CLHC1: variants seen among roughly 807,000 people sequenced by gnomAD.
The protein encoded by CLHC1 is clathrin heavy chain linker domain-containing protein 1.
A neutral mutation model predicts 69.5 loss-of-function variants in CLHC1; 72 were observed. The ratio of observed to expected loss-of-function variants is 1.04; its 90% CI spans 0.86 to 1.26. CLHC1 has a LOEUF of 1.26. Ranked by LOEUF, CLHC1 falls within the 50% of genes most tolerant of loss-of-function variation. CLHC1 has a pLI of 0.00. For missense variants in CLHC1, 790 were observed against 679.3 expected (o/e 1.16, Z -1.81); for synonymous variants, 223 against 224.3 (o/e 0.99, Z 0.05).
chr2:55,217,903 A>G lies in CLHC1; in HGVS notation c.273T>C (p.Thr91=). The G allele has an allele frequency of 6.2e-7, 1 of 1,603,968 alleles. No individual in the cohort carries two copies. The highest frequency in any genetic ancestry group is 8.5e-7 in the Non-Finnish European group (1 of 1,175,064). Reference sequence around the variant, plus strand: ...TAAGTTTTCCATGAAGACAAAATGTAGTTCTTCGGTCTTTCTTTATTGTCT... The same window carrying G: ...TAAGTTTTCCATGAAGACAAAATGTGGTTCTTCGGTCTTTCTTTATTGTCT... ...FIETIKKDRR[T]TFCLHGKLKG... is the part of the protein sequence containing the mutation. Residue 91 remains threonine, a synonymous_variant, in exon 4 of 13, where the codon ACT becomes ACC. Transcript: ENST00000401408.
intron 2 of CLHC1, among the ~76,000 whole-genome samples, chr2:55,226,108 C>A (rs548476843): frequency 1.3e-5 from 2 of 151,120 alleles, no homozygotes; most frequent in East Asian, 3.9e-4. Flanking sequence ...AGGAGAGTGG[C>A]GTGAACCCGG....
intron 12 of CLHC1, 35 bp downstream of exon 12, chr2:55,177,567 C>T (rs752103802): frequency 2.0e-6 from 3 of 1,488,130 alleles, no homozygotes; most frequent in Admixed American, 3.8e-5. Context: ...AGATAACCCA[C>T]TACTATTTCT....
rs1398623262 is a variant in CLHC1 at position 55,186,033 on chromosome 2, T to C, written c.1007-4289A>G. 4.6e-5 allele frequency among the ~76,000 whole-genome samples: 7 copies of C among 152,190 alleles called. No individual in the cohort carries two copies. The East Asian group carries it at 1.2e-3, about 25-fold the overall frequency. ...CAAACTTGAGATGGGCCTTTAAAGA[T>C]CTAAGACTCTGAAAACATGACAGTG... On this transcript the variant is annotated intron_variant, in intron 9 of 12. Coordinates refer to ENST00000401408, the MANE Select transcript of CLHC1 (RefSeq NM_152385.4).
At chr2:55,183,311 T>C (rs1428513359) in intron 9 of CLHC1, among the ~76,000 whole-genome samples, 1 of 152,202 alleles carries the variant, frequency 6.6e-6, no homozygotes, top group African/African-American at 2.4e-5. Context: ...GAAAAAAAGC[T>C]ATGTGACATG....
chr2:55,209,271 T>C (rs1377857566), intron 7 of CLHC1, 133 bp downstream of exon 7: 2 of 615,950 alleles, frequency 3.2e-6, no homozygotes, highest in Non-Finnish European at 5.8e-6. Flanking sequence ...AAGAAACCCA[T>C]AGCGTAACAG....
In CLHC1 at chr2:55,206,256, A is replaced by T. The variant is rs1268705097; in HGVS notation, c.1006+14T>A. The T allele has an allele frequency of 7.0e-7, 1 of 1,432,012 alleles. No homozygotes were observed. Among genetic ancestry groups the T allele is most frequent in the East Asian group, 2.3e-5 (1 of 43,872 alleles). 88.7% of individuals were successfully genotyped at this position (1,432,012 alleles called of 1,614,324 possible). A position where few individuals can be genotyped will look rare whatever the true frequency, so the allele number is the denominator to read the frequency against. ...ATTTTCATACATATATAAGGTTCAG[A>T]GAGAAATGCTTACCCTTAAATGTAT... is the stretch of plus-strand genomic sequence containing the variant. On this transcript the variant is annotated intron_variant, in intron 9 of 12. Transcript: ENST00000401408.
intron 9 of CLHC1, among the ~76,000 whole-genome samples, chr2:55,195,032 T>G (rs1348890510): frequency 6.6e-6 from 1 of 152,096 alleles, no homozygotes; most frequent in Non-Finnish European, 1.5e-5. Flanking sequence ...TCCTCCTGCC[T>G]CAGCCACCCA....
intron 4 of CLHC1, chr2:55,215,992 A>AG (rs1673452634): frequency 6.6e-6 from 1 of 152,028 alleles, no homozygotes; most frequent in Non-Finnish European, 1.5e-5. Context: ...TATCTGTAAA[A>AG]GGCCGGGCAC....
chr2:55,176,173 C>T (rs1401914740), intron 12 of CLHC1, among the ~76,000 whole-genome samples, 187 bp from the exon 13 acceptor site: 1 of 152,164 alleles, frequency 6.6e-6, no homozygotes, highest in African/African-American at 2.4e-5. Context: ...CGTGTTAGTT[C>T]CTTCTCCTCC....
chr2:55,222,544 C>T (rs1392878357), intron 2 of CLHC1, 51 bp from the exon 3 acceptor site: 2 of 617,256 alleles, frequency 3.2e-6, no homozygotes, highest in Admixed American at 3.4e-5. Flanking sequence ...TAACTTAAGT[C>T]AAATATTGAT....
At chr2:55,180,390 A>T in intron 11 of CLHC1, 120 bp downstream of exon 11, 2 of 649,102 alleles carry the variant, frequency 3.1e-6, no homozygotes, top group Non-Finnish European at 5.2e-6. Context: ...TCTCCTACTT[A>T]TTGGTATATA....
Position 55,177,762 on chromosome 2 carries a change from T to G in CLHC1, c.1404A>C (p.Leu468Phe), listed in dbSNP as rs774452457. The change falls in exon 12 of 13, where the codon TTA becomes TTC. Residue 468 changes from leucine to phenylalanine, a missense_variant. Transcript: ENST00000401408. Reference protein sequence around the residue: ...DFTTDDLLQLLMSCPQVELIQ... With the variant: ...DFTTDDLLQLFMSCPQVELIQ... ...TTAATTCAACTTGGGGACATGACAT[T>G]AATAGCTGCAACAGGTCATCTGAAG... 6.2e-7 allele frequency: 1 copy of G among 1,609,216 alleles called. No homozygotes were observed. The highest frequency in any genetic ancestry group is 8.5e-7 in the Non-Finnish European group (1 of 1,177,962).
At position 55,175,602 on chromosome 2, in the gene CLHC1, G is replaced by A. The variant is rs1669312855; in HGVS notation, c.*188C>T. ...ATTCAATATAAGAAATGACCATATG[G>A]GGAAAAGGAAGCAATAGTATAAATA... On this transcript the variant is annotated 3_prime_UTR_variant, in exon 13 of 13. Transcript: ENST00000401408. The A allele has an allele frequency of 3.8e-6, 2 of 526,464 alleles. No homozygotes were observed. The highest frequency in any genetic ancestry group is 3.3e-5 in the Admixed American group (1 of 30,132). The allele number at this position is 526,464 out of a possible 1,614,324, so 32.6% of individuals were successfully genotyped here.
chr2:55,224,836 C>A, intron 2 of CLHC1: 1 of 299,564 alleles, frequency 3.3e-6, no homozygotes, highest in Admixed American at 4.1e-5. Flanking sequence ...GCCCGGTTCT[C>A]GGACATTGAG....
chr2:55,215,364 A>T (rs1195905452), intron 4 of CLHC1, among the ~76,000 whole-genome samples: 3 of 152,314 alleles, frequency 2.0e-5, no homozygotes, highest in Admixed American at 2.0e-4. Flanking sequence ...GTGATTAGAC[A>T]TAACAATATG....
intron 3 of CLHC1, among the ~76,000 whole-genome samples, chr2:55,220,317 A>G (rs1673989939): frequency 6.6e-6 from 1 of 152,192 alleles, no homozygotes; most frequent in Admixed American, 6.5e-5. Flanking sequence ...AGCAAAGAAG[A>G]CAGTCATTAA....
chr2:55,219,133 C>T (rs1312705602), intron 3 of CLHC1, among the ~76,000 whole-genome samples: 1 of 152,140 alleles, frequency 6.6e-6, no homozygotes, highest in Non-Finnish European at 1.5e-5. Flanking sequence ...CATCAATCTG[C>T]GGCTTTCCAA....
chr2:55,184,921 C>CACAA (rs764455781), intron 9 of CLHC1, among the ~76,000 whole-genome samples: 1 of 109,662 alleles, frequency 9.1e-6, no homozygotes, highest in Non-Finnish European at 1.9e-5. Flanking sequence ...AAAAACAAAA[C>CACAA]ACACACACAC....
rs924011764 is a variant in CLHC1 at position 55,174,793 on chromosome 2, T to C, written c.*997A>G. 2 of 152,186 alleles carry C rather than the reference T, an allele frequency of 1.3e-5. No individual in the cohort carries two copies. Among genetic ancestry groups the C allele is most frequent in the African/African-American group, 4.8e-5 (2 of 41,434 alleles). 9.4% of individuals were successfully genotyped at this position (152,186 alleles called of 1,614,324 possible). A position where few individuals can be genotyped will look rare whatever the true frequency, so the allele number is the denominator to read the frequency against. ...TTGAAATTTTTTTTTCTTTTTTTAATAACAGAGACGGGATCTCACTGTGTT... is the reference window on the plus strand; with the variant it reads ...TTGAAATTTTTTTTTCTTTTTTTAACAACAGAGACGGGATCTCACTGTGTT... On this transcript the variant is annotated 3_prime_UTR_variant, in exon 13 of 13. Transcript: ENST00000401408.
Sources: allele counts gnomAD v4.1 joint callset (sites outside exome capture counted in the v4.1 genomes callset), GRCh38; gene constraint gnomAD v4.1.1; transcripts MANE v1.5; gene names NCBI Gene and HGNC (gene_info 2026-07-23, HGNC 2026-07-21).